The following AMN variants were observed in gnomAD, a reference collection of about 807,000 sequenced individuals.
AMN encodes amnion associated transmembrane protein.
A neutral mutation model predicts 49.1 loss-of-function variants in AMN; 40 were observed. That is an observed-to-expected ratio of 0.81 (90% CI 0.63 to 1.06). The LOEUF is 1.06. Among genes scored for constraint, AMN ranks in the 50% least tolerant of loss-of-function variants. The probability of loss-of-function intolerance (pLI) is 0.00; values close to 1 mark genes in which losing one functional copy is unlikely to be tolerated. For synonymous variants in AMN, 380 were observed against 313.3 expected, an observed-to-expected ratio of 1.21 and a Z score of -2.25; for missense variants, 701 against 662.8, an observed-to-expected ratio of 1.06 and a Z score of -0.63.
chr14:102,924,356 T>C (rs1370417270), intron 3 of AMN, among the ~76,000 whole-genome samples: 10 of 140,710 alleles, frequency 7.1e-5, no homozygotes, highest in Admixed American at 7.1e-5. Context: ...CACCCCCCCC[T>C]CTACCCACCA....
At chr14:102,922,832 G>C (rs1891087783) in intron 1 of AMN, 101 bp downstream of exon 1, 2 of 1,473,712 alleles carry the variant, frequency 1.4e-6, no homozygotes, top group Non-Finnish European at 9.1e-7. Flanking sequence ...CTTCCGAGGA[G>C]TGGGCAGGGA....
intron 4 of AMN, 65 bp from the exon 5 acceptor site, chr14:102,928,693 G>C: frequency 6.4e-7 from 1 of 1,551,482 alleles, no homozygotes; most frequent in Non-Finnish European, 8.7e-7. Context: ...GCGTGGCGTG[G>C]CGTGGCGTGG....
In AMN at chr14:102,922,665, T is replaced by C. The variant is rs759591055; in HGVS notation, c.-24T>C. 13 of 1,595,496 alleles carry C rather than the reference T, an allele frequency of 8.1e-6. No individual in the cohort carries two copies. The highest frequency in any genetic ancestry group is 2.7e-5 in the African/African-American group (2 of 74,644). ...GGTCCAGTGGGGCAAAGTCTCCTGG[T>C]GGGGTGCAAGGAGCCGAGGCGAGAT... On this transcript the variant is annotated 5_prime_UTR_variant, in exon 1 of 12. Coordinates refer to ENST00000299155, the MANE Select transcript of AMN (RefSeq NM_030943.4).
Position 102,930,656 on chromosome 14 carries a change from CGCCGGGGCCGAG to C in AMN, c.1343_1354del (p.Gly448_Ala451del). On this transcript the variant is annotated inframe_deletion, in exon 12 of 12. Transcript: ENST00000299155. ...ACAGTTACTTCGTCAACCCTCTGTTCGCCGGGGCCGAGGCCGAGGCCTGAGCGGCCGCCTGAC... is the reference window on the plus strand; with the variant it reads ...ACAGTTACTTCGTCAACCCTCTGTTCGCCGAGGCCTGAGCGGCCGCCTGAC... 3 of 1,595,848 alleles carry C rather than the reference CGCCGGGGCCGAG, an allele frequency of 1.9e-6. No individual in the cohort carries two copies. In the South Asian group the frequency reaches 3.4e-5, roughly 18 times the overall value.
Position 102,928,760 on chromosome 14 carries a change from G to T in AMN, c.298G>T (p.Glu100Ter), listed in dbSNP as rs1196444065. The change falls in exon 5 of 12, where the codon GAA (glutamate) becomes TAA (stop). Residue 100 changes from glutamate (E) to a stop codon, truncating the protein, a stop_gained and splice_region_variant. Transcript: ENST00000299155. LOFTEE classifies it high-confidence loss of function. Reference sequence around the variant, plus strand: ...CTCAGGGATGTGCTCCGGCTCAGGCGAACCTGCCGTCTTCCGCGACTCTGA... The same window carrying T: ...CTCAGGGATGTGCTCCGGCTCAGGCTAACCTGCCGTCTTCCGCGACTCTGA... ...VGSHLDCGAG[E>*]PAVFRDSDRF... The T allele has an allele frequency of 6.2e-7, 1 of 1,607,362 alleles. No individual in the cohort carries two copies. Among genetic ancestry groups the T allele is most frequent in the South Asian group, 1.1e-5 (1 of 90,892 alleles).
intron 1 of AMN, 153 bp downstream of exon 1, chr14:102,922,884 C>T: frequency 2.7e-6 from 3 of 1,098,714 alleles, no homozygotes; most frequent in Non-Finnish European, 3.8e-6. Flanking sequence ...GCCCTGCCTC[C>T]CTCGTCTGGC....
rs951287665 is a variant in AMN, at chr14:102,923,471, G to T, written c.44-240G>T. The T allele has an allele frequency of 5.6e-6, 3 of 532,460 alleles. No individual in the cohort carries two copies. In the East Asian group the frequency reaches 1.0e-4, roughly 18 times the overall value. 33.0% of individuals were successfully genotyped at this position (532,460 alleles called of 1,614,324 possible). A position where few individuals can be genotyped will look rare whatever the true frequency, so the allele number is the denominator to read the frequency against. ...GGGAGGCTATCTAGGCAGGCGTCCT[G>T]CAGGGCGCGTTTGAGCGGGCTCTGC... On this transcript the variant is annotated intron_variant, in intron 1 of 11. Transcript: ENST00000299155.
chr14:102,929,226 G>C lies in AMN; in HGVS notation c.619G>C (p.Asp207His). The change falls in exon 6 of 12, where the codon GAC (aspartate) becomes CAC (histidine). Residue 207 changes from aspartate to histidine, a missense_variant. Asp to His is a moderately conservative substitution (Grantham distance 81). Coordinates refer to ENST00000299155, the MANE Select transcript of AMN (RefSeq NM_030943.4). ...ALSVGPEDCA[D>H]PSGCVCGNAE... ...GAGCGTGGGCCCCGAGGACTGCGCG[G>C]ACCCGTCGGGCTGCGTCTGCGGCAA... The C allele has an allele frequency of 6.5e-7, 1 of 1,546,306 alleles. No individual in the cohort carries two copies. Among genetic ancestry groups the C allele is most frequent in the African/African-American group, 1.4e-5 (1 of 72,996 alleles).
chr14:102,924,041 G>A (rs1334124840), intron 3 of AMN, 62 bp downstream of exon 3: 2 of 1,610,200 alleles, frequency 1.2e-6, no homozygotes, highest in African/African-American at 2.7e-5. Context: ...AGCGCCTTCA[G>A]GGACTGCTGT....
Position 102,923,704 on chromosome 14 carries a change from T to C in AMN, c.44-7T>C. ...GCATCCCGGGCACTCAGTCGCCTCC[T>C]CCCCAGCACTGACCCAGGCGGTCTC... On this transcript the variant is annotated splice_polypyrimidine_tract_variant and splice_region_variant and intron_variant, in intron 1 of 11. Coordinates refer to ENST00000299155, the MANE Select transcript of AMN (RefSeq NM_030943.4). 6.2e-7 allele frequency: 1 copy of C among 1,611,302 alleles called. No individual in the cohort carries two copies. Among genetic ancestry groups the C allele is most frequent in the African/African-American group, 1.3e-5 (1 of 75,010 alleles).
chr14:102,928,384 C>G (rs1251521153), intron 3 of AMN, 42 bp from the exon 4 acceptor site: 2 of 1,530,014 alleles, frequency 1.3e-6, no homozygotes, highest in South Asian at 1.2e-5. Context: ...GGAGCAGGCC[C>G]GGACCCCCGC....
intron 3 of AMN, among the ~76,000 whole-genome samples, chr14:102,924,761 G>C (rs1891149681): frequency 6.6e-6 from 1 of 152,170 alleles, no homozygotes; most frequent in Non-Finnish European, 1.5e-5. Context: ...CACTTTCCTG[G>C]AGCTTCATCA....
At position 102,929,117 on chromosome 14, in the gene AMN, G is replaced by C. The variant is rs1427245433; in HGVS notation, c.514-4G>C. The C allele has an allele frequency of 1.9e-6, 3 of 1,597,510 alleles. No homozygotes were observed. The Admixed American group carries it at 5.0e-5, about 27-fold the overall frequency. ...GGCTCCGGTGGGGACCCGGCTGCCC[G>C]CAGACGTTCACGCGCGACGAGGACC... On this transcript the variant is annotated splice_region_variant and splice_polypyrimidine_tract_variant and intron_variant, in intron 5 of 11. Transcript: ENST00000299155.
chr14:102,925,681 T>C (rs1891169515), intron 3 of AMN, among the ~76,000 whole-genome samples: 1 of 152,146 alleles, frequency 6.6e-6, no homozygotes. Flanking sequence ...TTGGAAGCAC[T>C]TGGGCTCTGA....
At position 102,930,428 on chromosome 14, in the gene AMN, G is replaced by A; in HGVS notation, c.1192G>A (p.Ala398Thr). 1 of 1,521,680 alleles carries A rather than the reference G, an allele frequency of 6.6e-7. No individual in the cohort carries two copies. The allele number at this position is 1,521,680 out of a possible 1,614,324, so 94.3% of individuals were successfully genotyped here. ...RLRWRRHEAAAPAGAPLGFRN... is the reference protein window; with the variant it reads ...RLRWRRHEAATPAGAPLGFRN... ...CAGGTGGAGGAGGCACGAGGCGGCG[G>A]CCCCGGCTGGAGCGCCCCTCGGCTT... is the stretch of plus-strand genomic sequence containing the variant. Residue 398 changes from alanine (A) to threonine (T), a missense_variant, in exon 11 of 12, where the codon GCC (alanine) becomes ACC (threonine). Coordinates refer to ENST00000299155, the MANE Select transcript of AMN (RefSeq NM_030943.4).
At chr14:102,926,255 T>C (rs1001167759) in intron 3 of AMN, among the ~76,000 whole-genome samples, 1 of 152,248 alleles carries the variant, frequency 6.6e-6, no homozygotes, top group Non-Finnish European at 1.5e-5. Flanking sequence ...TGTGTACCTA[T>C]GGGGCACGTG....
Position 102,929,978 on chromosome 14 carries a change from C to G in AMN, c.898C>G (p.Leu300Val), listed in dbSNP as rs745651516. Reference protein sequence around the residue: ...AVSKVPRSSRLREADTEIQVV... With the variant: ...AVSKVPRSSRVREADTEIQVV... ...GTCCAAGGTGCCACGCTCGTCCCGG[C>G]TCCGTGAGGCCGATACGGAGATCCA... The change falls in exon 9 of 12, where the codon CTC (leucine) becomes GTC (valine). Residue 300 changes from leucine to valine, a missense_variant. Coordinates refer to ENST00000299155, the MANE Select transcript of AMN (RefSeq NM_030943.4). The G allele has an allele frequency of 1.9e-6, 3 of 1,564,592 alleles. No individual in the cohort carries two copies.
chr14:102,923,855 G>A, intron 2 of AMN, 26 bp downstream of exon 2: 4 of 1,612,644 alleles, frequency 2.5e-6, no homozygotes, highest in Middle Eastern at 1.7e-4. Context: ...GGCGGGGTCG[G>A]TGATGGGCCT....
intron 4 of AMN, 106 bp from the exon 5 acceptor site, chr14:102,928,652 C>T: frequency 6.6e-7 from 1 of 1,504,556 alleles, no homozygotes; most frequent in Non-Finnish European, 9.0e-7. Flanking sequence ...GGAAGTGTCC[C>T]GAAGCGGGGC....
Sources: allele counts gnomAD v4.1 joint callset (sites outside exome capture counted in the v4.1 genomes callset), GRCh38; gene constraint gnomAD v4.1.1; transcripts MANE v1.5; gene names NCBI Gene and HGNC (gene_info 2026-07-23, HGNC 2026-07-21).